Variants in ACTN1 observed in about 807,000 individuals in gnomAD.
The protein encoded by ACTN1 is actinin alpha 1.
ACTN1 carries 30 observed loss-of-function variants against 119.6 expected under a neutral mutation model. The observed-to-expected ratio is 0.25, with a 90% CI of 0.19 to 0.34. The LOEUF is 0.34. Ranked by LOEUF, ACTN1 falls within the 10% of genes least tolerant of loss-of-function variation. The pLI is 1.00. For synonymous variants in ACTN1, 429 were observed against 472.6 expected (o/e 0.91, Z 1.20); for missense variants, 764 against 1,223.4 (o/e 0.62, Z 5.60).
chr14:68,964,442 G>A (rs888969136), intron 1 of ACTN1, among the ~76,000 whole-genome samples: 2 of 152,196 alleles, frequency 1.3e-5, no homozygotes, highest in African/African-American at 2.4e-5. Flanking sequence ...TATGGGGCCC[G>A]GGAGGGTGGA....
At position 68,925,214 on chromosome 14, in the gene ACTN1, A is replaced by G. The variant is rs2034858301; in HGVS notation, c.220+344T>C. ...TGGGTCACCTGGATACAGGTAGATA[A>G]GTAGTAATGGAGCCAAGATTTGGAG... On this transcript the variant is annotated intron_variant, in intron 2 of 21. Transcript: ENST00000394419. The surrounding 1 kb of genome is among the most constrained non-coding windows in gnomAD (Gnocchi z 4.3). 2.0e-5 allele frequency among the ~76,000 whole-genome samples: 3 copies of G among 152,092 alleles called. No individual in the cohort carries two copies. The South Asian group carries it at 6.2e-4, about 32-fold the overall frequency.
intron 2 of ACTN1, 164 bp from the exon 3 acceptor site, chr14:68,921,289 T>A: frequency 1.2e-6 from 1 of 814,442 alleles, no homozygotes; most frequent in Non-Finnish European, 1.8e-6. Flanking sequence ...CTGGAGAATG[T>A]CACCCTGGCA....
At chr14:68,921,259 G>A (rs1037153249) in intron 2 of ACTN1, 134 bp from the exon 3 acceptor site, 1 of 1,082,146 alleles carries the variant, frequency 9.2e-7, no homozygotes, top group African/African-American at 1.6e-5. Flanking sequence ...GTGTGTGTGT[G>A]CTCACACGCT....
At chr14:68,875,239 C>A in intron 21 of ACTN1, 1 of 1,294,574 alleles carries the variant, frequency 7.7e-7, no homozygotes, top group Non-Finnish European at 1.0e-6. Flanking sequence ...CACTTCAGTA[C>A]CTACTTTGTA....
intron 1 of ACTN1, among the ~76,000 whole-genome samples, chr14:68,934,819 T>G (rs575147808): frequency 6.6e-6 from 1 of 152,138 alleles, no homozygotes; most frequent in Non-Finnish European, 1.5e-5. Context: ...AAAAACTGCT[T>G]ATATATAATT....
At chr14:68,888,175 CCT>C in intron 11 of ACTN1, 1 of 495,872 alleles carries the variant, frequency 2.0e-6, no homozygotes, top group Non-Finnish European at 3.7e-6. Context: ...CGCTGCCACT[CCT>C]CACGCCCAGG....
At chr14:68,892,001 C>A (rs2032525547) in intron 10 of ACTN1, 52 bp downstream of exon 10, 2 of 1,598,958 alleles carry the variant, frequency 1.3e-6, no homozygotes, top group Non-Finnish European at 1.7e-6. Flanking sequence ...AGGAGCAGCT[C>A]AGAGGTGGAG....
chr14:68,979,276 C>G lies in ACTN1; in HGVS notation c.-220G>C, dbSNP rs1017229507. 4.6e-5 allele frequency: 16 copies of G among 346,674 alleles called. No individual in the cohort carries two copies. The South Asian group carries it at 7.0e-4, about 15-fold the overall frequency. 21.5% of individuals were successfully genotyped at this position (346,674 alleles called of 1,614,324 possible). A position where few individuals can be genotyped will look rare whatever the true frequency, so the allele number is the denominator to read the frequency against. Reference sequence around the variant, plus strand: ...CGCGGACTGCCTGCCTCTGGGCGGGCGCTTGGACCTAATCTCCACGCACAC... The same window carrying G: ...CGCGGACTGCCTGCCTCTGGGCGGGGGCTTGGACCTAATCTCCACGCACAC... On this transcript the variant is annotated 5_prime_UTR_variant, in exon 1 of 22. Coordinates refer to ENST00000394419, the MANE Select transcript of ACTN1 (RefSeq NM_001130004.2).
At chr14:68,875,269 T>C in intron 21 of ACTN1, 1 of 965,140 alleles carries the variant, frequency 1.0e-6, no homozygotes, top group Non-Finnish European at 1.5e-6. Flanking sequence ...CCAATCTAAT[T>C]CCATGTGCCA....
chr14:68,892,040 C>T lies in ACTN1; in HGVS notation c.1086+13G>A. ...GTCCAGTCTGGGGGCCCAGGCTCAC[C>T]CCCAGTGCTCACCGAGACCATCCTG... On this transcript the variant is annotated intron_variant, in intron 10 of 21. Coordinates refer to ENST00000394419, the MANE Select transcript of ACTN1 (RefSeq NM_001130004.2). 1 of 1,612,354 alleles carries T rather than the reference C, an allele frequency of 6.2e-7. No individual in the cohort carries two copies. Among genetic ancestry groups the T allele is most frequent in the Non-Finnish European group, 8.5e-7 (1 of 1,179,650 alleles).
At chr14:68,940,061 C>T (rs2035712748) in intron 1 of ACTN1, among the ~76,000 whole-genome samples, 1 of 152,148 alleles carries the variant, frequency 6.6e-6, no homozygotes, top group South Asian at 2.1e-4. Flanking sequence ...CTCCGGGAGG[C>T]CAGTGTGAGA....
chr14:68,944,581 T>C (rs1421725644), intron 1 of ACTN1, among the ~76,000 whole-genome samples: 1 of 152,166 alleles, frequency 6.6e-6, no homozygotes, highest in Non-Finnish European at 1.5e-5. Context: ...ATGCGTGTAT[T>C]TTTGTACACT....
intron 1 of ACTN1, among the ~76,000 whole-genome samples, chr14:68,950,613 A>G (rs912581358): frequency 1.1e-4 from 16 of 151,374 alleles, no homozygotes; most frequent in African/African-American, 3.7e-4. Context: ...CCAGTCTGGA[A>G]TGCAGTGGTA....
rs940745320 is a variant in ACTN1, at chr14:68,880,450, C to T, written c.2134-342G>A. Among the ~76,000 whole-genome samples, 37 of 119,346 alleles carry T rather than the reference C, an allele frequency of 3.1e-4. No individual in the cohort carries two copies. The highest frequency in any genetic ancestry group is 4.0e-4 in the Non-Finnish European group (24 of 59,904). The allele number at this position is 119,346 out of a possible 152,430, so 78.3% of individuals were successfully genotyped here. A position where few individuals can be genotyped will look rare whatever the true frequency, so the allele number is the denominator to read the frequency against. ...CCGAACCTCCAACCCCACAGCCACG[C>T]GCGCACACACACATACACACACACA... On this transcript the variant is annotated intron_variant, in intron 17 of 21. Transcript: ENST00000394419. This position sits in a 1 kb window ranked among gnomAD's most constrained non-coding sequence, Gnocchi z 4.6.
At chr14:68,961,176 A>C (rs2036525949) in intron 1 of ACTN1, among the ~76,000 whole-genome samples, 1 of 152,230 alleles carries the variant, frequency 6.6e-6, no homozygotes, top group Non-Finnish European at 1.5e-5. Flanking sequence ...TGTATTTATG[A>C]AACAATCTCT....
At position 68,925,642 on chromosome 14, in the gene ACTN1, G is replaced by A. The variant is rs747559032; in HGVS notation, c.136C>T (p.Arg46Trp). The change falls in exon 2 of 22, where the codon CGG (arginine) becomes TGG (tryptophan). Residue 46 changes from arginine (R) to tryptophan (W), a missense_variant. By Grantham distance (101) the Arg-to-Trp change is moderately radical. Transcript: ENST00000394419. The surrounding 1 kb of genome is among the most constrained non-coding windows in gnomAD (Gnocchi z 4.3). ...TFTAWCNSHL[R>W]KAGTQIENIE... ...TTCTCGATCTGTGTCCCCGCCTTCC[G>A]GAGGTGGGAGTTACACCATGCCGTG... 4.3e-6 allele frequency: 7 copies of A among 1,613,104 alleles called. No individual in the cohort carries two copies. The highest frequency in any genetic ancestry group is 1.3e-5 in the African/African-American group (1 of 74,986).
At chr14:68,901,198 T>G (rs1355728017) in intron 8 of ACTN1, among the ~76,000 whole-genome samples, 1 of 139,974 alleles carries the variant, frequency 7.1e-6, no homozygotes, top group Non-Finnish European at 1.5e-5. Flanking sequence ...ATTTTTTTTT[T>G]GTTTTATGGT....
rs1265746831 is a variant in ACTN1, at chr14:68,878,643, TG to T, written c.2362-121del. On this transcript the variant is annotated intron_variant, in intron 19 of 21. Transcript: ENST00000394419. The surrounding 1 kb of genome is among the most constrained non-coding windows in gnomAD (Gnocchi z 4.4). Reference sequence around the variant, plus strand: ...AGAACGGGGATGAGATTTATGGTTTTGGGGGTCAGGATAGGTAAAGGAACAT... The same window carrying T: ...AGAACGGGGATGAGATTTATGGTTTTGGGGTCAGGATAGGTAAAGGAACAT... 1 of 1,555,514 alleles carries T rather than the reference TG, an allele frequency of 6.4e-7. No individual in the cohort carries two copies. Among genetic ancestry groups the T allele is most frequent in the South Asian group, 1.2e-5 (1 of 85,206 alleles).
At chr14:68,963,547 T>G (rs2036607381) in intron 1 of ACTN1, among the ~76,000 whole-genome samples, 2 of 152,230 alleles carry the variant, frequency 1.3e-5, no homozygotes, top group African/African-American at 4.8e-5. Flanking sequence ...TGTTTGAGAA[T>G]CTCACGTATC....
Sources: allele counts gnomAD v4.1 joint callset (sites outside exome capture counted in the v4.1 genomes callset), GRCh38; gene constraint gnomAD v4.1.1; non-coding constraint Gnocchi (gnomAD v3.1); transcripts MANE v1.5; gene names NCBI Gene and HGNC (gene_info 2026-07-23, HGNC 2026-07-21).